PIP5K1B: variants seen among roughly 807,000 people sequenced by gnomAD.
The protein encoded by PIP5K1B is phosphatidylinositol-4-phosphate 5-kinase type 1 beta, also known as phosphatidylinositol 4-phosphate 5-kinase type-1 beta.
In PIP5K1B, 42 loss-of-function variants were observed where a neutral mutation model predicts 67.0. That is an observed-to-expected ratio of 0.63 (90% CI 0.49 to 0.81). The LOEUF is 0.81. Ranked by LOEUF, PIP5K1B falls within the 30% of genes least tolerant of loss-of-function variation. The pLI is 0.00. For missense variants in PIP5K1B, 459 were observed against 646.3 expected (o/e 0.71, Z 3.14); for synonymous variants, 214 against 231.4 (o/e 0.92, Z 0.68).
At chr9:68,784,854 T>C (rs1831522990) in intron 2 of PIP5K1B, among the ~76,000 whole-genome samples, 1 of 152,094 alleles carries the variant, frequency 6.6e-6, no homozygotes, top group African/African-American at 2.4e-5. Flanking sequence ...TCCATAAATG[T>C]TGAATTGATT....
chr9:68,815,667 TAAAG>T (rs758700765), intron 2 of PIP5K1B, among the ~76,000 whole-genome samples: 15 of 151,980 alleles, frequency 9.9e-5, no homozygotes, highest in African/African-American at 3.6e-4. Flanking sequence ...TGAGTGCGTA[TAAAG>T]AAAGCCTTCC....
chr9:68,888,788 A>G (rs529829643), intron 6 of PIP5K1B, among the ~76,000 whole-genome samples, 193 bp from the exon 7 acceptor site: 1 of 152,270 alleles, frequency 6.6e-6, no homozygotes, highest in South Asian at 2.1e-4. Context: ...TAGAATTATT[A>G]AGATAAACAG....
At chr9:69,005,742 G>T (rs1382136810) in intron 15 of PIP5K1B, among the ~76,000 whole-genome samples, 2 of 152,154 alleles carry the variant, frequency 1.3e-5, no homozygotes, top group Non-Finnish European at 1.5e-5. Flanking sequence ...TCTGGCCCAA[G>T]CTACCCACAA....
intron 14 of PIP5K1B, among the ~76,000 whole-genome samples, chr9:68,945,344 C>G (rs1419296007): frequency 1.3e-5 from 2 of 152,054 alleles, no homozygotes; most frequent in Non-Finnish European, 2.9e-5. Context: ...CGGAGTTTCA[C>G]CATGTTGGCC....
intron 2 of PIP5K1B, chr9:68,782,440 T>C (rs1395706432): frequency 6.0e-6 from 1 of 166,956 alleles, no homozygotes; most frequent in East Asian, 1.9e-4. Flanking sequence ...TGCATCCTTA[T>C]ACCTCACATA....
intron 1 of PIP5K1B, among the ~76,000 whole-genome samples, chr9:68,706,881 G>T (rs1349204802): frequency 6.6e-6 from 1 of 151,910 alleles, no homozygotes; most frequent in Non-Finnish European, 1.5e-5. Context: ...AGACTGAAGC[G>T]TTCTGCAGCT....
intron 2 of PIP5K1B, among the ~76,000 whole-genome samples, chr9:68,787,791 C>T (rs1201750605): frequency 6.6e-6 from 1 of 152,106 alleles, no homozygotes; most frequent in Admixed American, 6.5e-5. Context: ...TGCCACCATG[C>T]CTGACTAGTT....
At chr9:68,834,152 A>G (rs1162973478) in intron 4 of PIP5K1B, among the ~76,000 whole-genome samples, 1 of 152,140 alleles carries the variant, frequency 6.6e-6, no homozygotes, top group East Asian at 1.9e-4. Flanking sequence ...GAAAATATCC[A>G]TGCTCCATAG....
At chr9:68,851,874 C>G (rs1822505020) in intron 4 of PIP5K1B, among the ~76,000 whole-genome samples, 1 of 152,224 alleles carries the variant, frequency 6.6e-6, no homozygotes, top group Non-Finnish European at 1.5e-5. Context: ...GCCGGCCCTC[C>G]TTGCATCTGA....
In PIP5K1B at chr9:68,754,913, T is replaced by G. The variant is rs908195531; in HGVS notation, c.-86+12256T>G. 2.0e-4 allele frequency among the ~76,000 whole-genome samples: 30 copies of G among 152,334 alleles called. 2 individuals carry two copies. The highest frequency in any genetic ancestry group is 7.8e-4 in the Admixed American group (12 of 15,304). On this transcript the variant is annotated intron_variant, in intron 2 of 15. Coordinates refer to ENST00000265382, the MANE Select transcript of PIP5K1B (RefSeq NM_003558.4). ...TTTTTTTTAAATAACATGTTATCTA[T>G]ATGTGATCTTCTTGACATGTAGCAG...
intron 2 of PIP5K1B, among the ~76,000 whole-genome samples, chr9:68,776,099 C>T (rs1373012003): frequency 2.0e-5 from 3 of 152,064 alleles, no homozygotes; most frequent in African/African-American, 4.8e-5. Flanking sequence ...ACCCTAAGTT[C>T]CTATGGTTTT....
chr9:68,944,152 A>G (rs1041793147), intron 14 of PIP5K1B, among the ~76,000 whole-genome samples: 3 of 152,220 alleles, frequency 2.0e-5, no homozygotes, highest in African/African-American at 7.2e-5. Flanking sequence ...CATGCAGATC[A>G]TAGGAATAAA....
chr9:68,975,938 T>C lies in PIP5K1B; in HGVS notation c.1503-15202T>C, dbSNP rs3750374. 4.2e-3 allele frequency among the ~76,000 whole-genome samples: 634 copies of C among 152,360 alleles called. 37 individuals carry two copies. The East Asian group carries it at 0.12, about 28-fold the overall frequency. ...ACTATGACCTCATCTTAACTAATTA[T>C]GTCTGCAACAAACTCATTCCCAAAT... On this transcript the variant is annotated intron_variant, in intron 14 of 15. Transcript: ENST00000265382.
intron 2 of PIP5K1B, among the ~76,000 whole-genome samples, chr9:68,792,462 GTTGTTGTTTGTTTGTTTGTTTGT>G (rs1832029457): frequency 1.5e-5 from 1 of 66,228 alleles, no homozygotes; most frequent in African/African-American, 6.4e-5. Context: ...GTGTTTTTTT[GTTGTTGTTTGTTTGTTTGTTTGT>G]TTGTTTGTTT....
At chr9:68,801,687 G>A (rs1587473514) in intron 2 of PIP5K1B, among the ~76,000 whole-genome samples, 1 of 152,100 alleles carries the variant, frequency 6.6e-6, no homozygotes, top group East Asian at 1.9e-4. Flanking sequence ...GGGAAAGTCC[G>A]GAAGACACAC....
At chr9:68,921,611 G>A (rs1386566241) in intron 11 of PIP5K1B, among the ~76,000 whole-genome samples, 1 of 152,176 alleles carries the variant, frequency 6.6e-6, no homozygotes, top group Non-Finnish European at 1.5e-5. Context: ...ACTTTGGGGG[G>A]AGACCAAAGC....
Position 68,856,426 on chromosome 9 carries a change from G to C in PIP5K1B, c.70-7411G>C, listed in dbSNP as rs565838380. Among the ~76,000 whole-genome samples, 6 of 152,262 alleles carry C rather than the reference G, an allele frequency of 3.9e-5. No individual in the cohort carries two copies. In the South Asian group the frequency reaches 1.2e-3, roughly 32 times the overall value. On this transcript the variant is annotated intron_variant, in intron 4 of 15. Coordinates refer to ENST00000265382, the MANE Select transcript of PIP5K1B (RefSeq NM_003558.4). ...CAGCCAGTCTTTGTTGACACGACTT[G>C]TTGACTGGCCCATTCTCACTTTTCA...
At chr9:68,822,454 T>A (rs576604385) in intron 3 of PIP5K1B, 161 bp from the exon 4 acceptor site, 27 of 522,662 alleles carry the variant, frequency 5.2e-5, no homozygotes, top group Non-Finnish European at 7.9e-5. Context: ...GCAGATTTCT[T>A]TTTTAGTATT....
At chr9:68,835,009 T>C (rs943901365) in intron 4 of PIP5K1B, among the ~76,000 whole-genome samples, 3 of 152,272 alleles carry the variant, frequency 2.0e-5, no homozygotes, top group Middle Eastern at 6.8e-3. Flanking sequence ...AGCCCTTAGA[T>C]GACAGTAACT....
Sources: gnomAD v4.1 joint callset for allele counts (sites outside exome capture counted in the v4.1 genomes callset) on GRCh38, gnomAD v4.1.1 for gene constraint, MANE v1.5 for transcripts, NCBI Gene and HGNC (gene_info 2026-07-23, HGNC 2026-07-21) for gene names.